The following DCAF12 variants were observed in gnomAD, a reference collection of about 807,000 sequenced individuals.
DCAF12 encodes the protein DDB1- and CUL4-associated factor 12.
DCAF12 carries 28 observed loss-of-function variants against 52.8 expected under a neutral mutation model. The ratio of observed to expected loss-of-function variants is 0.53; its 90% confidence interval spans 0.39 to 0.73. The LOEUF (loss-of-function observed/expected upper bound fraction) is 0.73. Ranked by LOEUF, DCAF12 falls within the 30% of genes least tolerant of loss-of-function variation. The pLI, the probability that DCAF12 is intolerant of heterozygous loss-of-function variation, is 0.00. For synonymous variants in DCAF12, 196 were observed against 215.5 expected (o/e 0.91, Z 0.79); for missense variants, 425 against 552.2 (o/e 0.77, Z 2.31).
At chr9:34,107,903 T>C (rs1402864027) in intron 2 of DCAF12, among the ~76,000 whole-genome samples, 1 of 152,224 alleles carries the variant, frequency 6.6e-6, no homozygotes, top group African/African-American at 2.4e-5. Flanking sequence ...AGTTTGGTCA[T>C]ATTTTATACA....
At chr9:34,125,939 G>T (rs1180730540) in intron 1 of DCAF12, among the ~76,000 whole-genome samples, 1 of 152,154 alleles carries the variant, frequency 6.6e-6, no homozygotes, top group African/African-American at 2.4e-5. Flanking sequence ...TCAGGGTTGG[G>T]TATACATATA....
Position 34,089,548 on chromosome 9 carries a change from C to T in DCAF12, c.1067G>A (p.Gly356Glu). Residue 356 changes from glycine to glutamate, a missense_variant, in exon 8 of 9, where the codon GGA becomes GAA. Coordinates refer to ENST00000361264, the MANE Select transcript of DCAF12 (RefSeq NM_015397.4). The part of the protein sequence containing the change: ...VSFYEHIITV[G>E]TGQGSLLFYD... ...GAACAGCAGGGAGCCCTGCCCTGTT[C>T]CCACAGTGATGATGTGCTCGTAGAA... 6.2e-7 allele frequency: 1 copy of T among 1,613,468 alleles called. No individual in the cohort carries two copies. The highest frequency in any genetic ancestry group is 8.5e-7 in the Non-Finnish European group (1 of 1,179,766).
intron 2 of DCAF12, among the ~76,000 whole-genome samples, chr9:34,108,709 CGAG>C (rs1380451181): frequency 3.3e-4 from 50 of 151,094 alleles, no homozygotes; most frequent in African/African-American, 1.1e-3. Context: ...TCGCTTGAAC[CGAG>C]GAGGCGGAGG....
intron 2 of DCAF12, among the ~76,000 whole-genome samples, chr9:34,113,673 C>T (rs775496390): frequency 3.3e-5 from 5 of 152,068 alleles, no homozygotes; most frequent in Non-Finnish European, 7.4e-5. Context: ...CAAAACACTA[C>T]AAAACAAAAA....
chr9:34,111,607 G>GCCC (rs1266207454), intron 2 of DCAF12, among the ~76,000 whole-genome samples: 1 of 152,128 alleles, frequency 6.6e-6, no homozygotes, highest in African/African-American at 2.4e-5. Flanking sequence ...ACTGTAGTAG[G>GCCC]CCCCCACATC....
chr9:34,125,508 C>G (rs1563865237), intron 1 of DCAF12: 1 of 616,992 alleles, frequency 1.6e-6, no homozygotes, highest in Non-Finnish European at 3.0e-6. Context: ...GGCTGAAAGT[C>G]AAGGGAATGA....
intron 2 of DCAF12, among the ~76,000 whole-genome samples, chr9:34,124,450 T>A (rs1829217605): frequency 6.6e-6 from 1 of 152,240 alleles, no homozygotes; most frequent in African/African-American, 2.4e-5. Flanking sequence ...GTCTTTCTAT[T>A]CACTCTTAAA....
intron 2 of DCAF12, among the ~76,000 whole-genome samples, chr9:34,120,430 G>C (rs970178221): frequency 6.6e-6 from 1 of 151,706 alleles, no homozygotes; most frequent in African/African-American, 2.4e-5. Context: ...CAGCACTTTG[G>C]GAGGCTGAGG....
In DCAF12 at chr9:34,126,523, G is replaced by C; in HGVS notation, c.-92C>G. 1 of 1,408,592 alleles carries C rather than the reference G, an allele frequency of 7.1e-7. No individual in the cohort carries two copies. Among genetic ancestry groups the C allele is most frequent in the Non-Finnish European group, 9.5e-7 (1 of 1,058,046 alleles). The allele number at this position is 1,408,592 out of a possible 1,614,324, so 87.3% of individuals were successfully genotyped here. On this transcript the variant is annotated 5_prime_UTR_variant, in exon 1 of 9. Coordinates refer to ENST00000361264, the MANE Select transcript of DCAF12 (RefSeq NM_015397.4). ...GGGTCATATACTGGGCCCCGGGGCC[G>C]CGCACCTTAGTGCGCCCGGCCCGGA...
At chr9:34,108,099 C>A (rs554003355) in intron 2 of DCAF12, among the ~76,000 whole-genome samples, 6 of 152,284 alleles carry the variant, frequency 3.9e-5, no homozygotes, top group African/African-American at 1.2e-4. Flanking sequence ...CCCATTCAGT[C>A]CTATTCCTCC....
In DCAF12 at chr9:34,103,820, A is replaced by G. The variant is rs572130834; in HGVS notation, c.601+2614T>C. On this transcript the variant is annotated intron_variant, in intron 4 of 8. Coordinates refer to ENST00000361264, the MANE Select transcript of DCAF12 (RefSeq NM_015397.4). ...TCACACGCTGCACTCCAGCCTACAT[A>G]ACAGAGTGAGACCCTGTCTCAACAA... Among the ~76,000 whole-genome samples, 4 of 152,176 alleles carry G rather than the reference A, an allele frequency of 2.6e-5. No individual in the cohort carries two copies. The South Asian group carries it at 8.3e-4, about 32-fold the overall frequency.
At position 34,089,604 on chromosome 9, in the gene DCAF12, A is replaced by G; in HGVS notation, c.1025-14T>C. On this transcript the variant is annotated splice_polypyrimidine_tract_variant and intron_variant, in intron 7 of 8. Transcript: ENST00000361264. ...CTGACCGGATTCCTGAAAGACAGAAAAGTAAAAGGCAGTGAGGCGGGAGAG... is the reference window on the plus strand; with the variant it reads ...CTGACCGGATTCCTGAAAGACAGAAGAGTAAAAGGCAGTGAGGCGGGAGAG... 6.3e-7 allele frequency: 1 copy of G among 1,595,064 alleles called. No individual in the cohort carries two copies.
At chr9:34,109,978 A>C (rs1000643818) in intron 2 of DCAF12, 5 of 152,452 alleles carry the variant, frequency 3.3e-5, no homozygotes, top group African/African-American at 9.8e-5. Context: ...GGATACATAT[A>C]TAAATATTTA....
At chr9:34,107,286 A>C in intron 3 of DCAF12, 73 bp downstream of exon 3, 1 of 1,418,186 alleles carries the variant, frequency 7.1e-7, no homozygotes. Context: ...TGATGAGAGG[A>C]GGGTCCATGT....
rs777893053 is a variant in DCAF12 at position 34,125,151 on chromosome 9, C to T, written c.205G>A (p.Gly69Ser). The T allele has an allele frequency of 1.2e-5, 19 of 1,614,056 alleles. No homozygotes were observed. The South Asian group carries it at 1.9e-4, about 16-fold the overall frequency. Reference protein sequence around the residue: ...NETSYSRVLHGYAAQQLPSLL... With the variant: ...NETSYSRVLHSYAAQQLPSLL... ...CTGGGAAGTTGCTGTGCTGCATAAC[C>T]ATGCAACACTCGAGAGTAGCTGGTT... The change falls in exon 2 of 9, where the codon GGT (glycine) becomes AGT (serine). Residue 69 changes from glycine (G) to serine (S), a missense_variant. Transcript: ENST00000361264.
chr9:34,095,864 T>C lies in DCAF12; in HGVS notation c.861+852A>G, dbSNP rs541898368. ...TCCCTTACAGCATGCCAAGTAGTCA[T>C]CAATCTATAAAGAAATACTTAAATG... is the stretch of plus-strand genomic sequence containing the variant. On this transcript the variant is annotated intron_variant, in intron 6 of 8. Transcript: ENST00000361264. 2.2e-4 allele frequency: 33 copies of C among 152,282 alleles called. No individual in the cohort carries two copies. In the East Asian group the frequency reaches 5.8e-3, roughly 27 times the overall value. 9.4% of individuals were successfully genotyped at this position (152,282 alleles called of 1,614,324 possible). A position where few individuals can be genotyped will look rare whatever the true frequency, so the allele number is the denominator to read the frequency against.
At chr9:34,116,085 T>C (rs10971930) in intron 2 of DCAF12, among the ~76,000 whole-genome samples, 19,128 of 152,168 alleles carry the variant, frequency 0.13, 2,036 homozygotes, top group East Asian at 0.58. Flanking sequence ...AATCCAGGGC[T>C]GGGTGCGGTG....
intron 2 of DCAF12, among the ~76,000 whole-genome samples, chr9:34,117,806 C>A (rs940248802): frequency 2.0e-5 from 3 of 151,972 alleles, no homozygotes; most frequent in Non-Finnish European, 2.9e-5. Context: ...TCCAGCTACT[C>A]GGGAGGCTGA....
intron 4 of DCAF12, among the ~76,000 whole-genome samples, chr9:34,103,895 A>G (rs149791869): frequency 1.4e-3 from 211 of 152,322 alleles, no homozygotes; most frequent in African/African-American, 4.7e-3. Context: ...TTCTTTTTCC[A>G]GTAAACTTAT....
Sources: allele counts gnomAD v4.1 joint callset (sites outside exome capture counted in the v4.1 genomes callset), GRCh38; gene constraint gnomAD v4.1.1; transcripts MANE v1.5; gene names NCBI Gene and HGNC (gene_info 2026-07-23, HGNC 2026-07-21).